XPO7: variants seen among roughly 807,000 people sequenced by gnomAD.
XPO7 encodes exportin 7, also known as exportin-7.
Under a neutral mutation model 144.3 loss-of-function variants are expected in XPO7, and 21 were observed. That is an observed-to-expected ratio of 0.15 (90% CI 0.10 to 0.21). XPO7 has a LOEUF of 0.21. XPO7 is among the 10% of genes least tolerant of loss of function. The pLI is 1.00. For synonymous variants in XPO7, 580 were observed against 499.6 expected (o/e 1.16, Z -2.15); for missense variants, 808 against 1,325.8 (o/e 0.61, Z 6.06).
At position 21,995,472 on chromosome 8, in the gene XPO7, C is replaced by A; in HGVS notation, c.2238-20C>A. ...TACCTTTCTGGAATCAGAAATCTTT[C>A]CTTAGCTTCTCATTTACAGATATCC... On this transcript the variant is annotated intron_variant, in intron 20 of 27. Coordinates refer to ENST00000252512, the MANE Select transcript of XPO7 (RefSeq NM_015024.5). 1 of 1,578,512 alleles carries A rather than the reference C, an allele frequency of 6.3e-7. No individual in the cohort carries two copies. The highest frequency in any genetic ancestry group is 1.2e-5 in the South Asian group (1 of 86,342).
intron 5 of XPO7, among the ~76,000 whole-genome samples, chr8:21,974,202 T>G (rs1272594328): frequency 4.8e-5 from 7 of 145,548 alleles, no homozygotes; most frequent in African/African-American, 1.8e-4. Flanking sequence ...TATTTTTTTA[T>G]TTTTATTTTT....
At position 21,987,774 on chromosome 8, in the gene XPO7, T is replaced by C. The variant is rs1812629468; in HGVS notation, c.1714-10T>C. The C allele has an allele frequency of 8.1e-6, 13 of 1,613,796 alleles. No individual in the cohort carries two copies. Among genetic ancestry groups the C allele is most frequent in the Non-Finnish European group, 1.0e-5 (12 of 1,179,730 alleles). On this transcript the variant is annotated splice_polypyrimidine_tract_variant and intron_variant, in intron 14 of 27. Coordinates refer to ENST00000252512, the MANE Select transcript of XPO7 (RefSeq NM_015024.5). ...CATGTGTTCTGGTTACTTTCTCTTC[T>C]TAACACCAGCTGTACCGCCGACTCT...
At chr8:21,988,584 G>T in intron 15 of XPO7, 1 of 180,094 alleles carries the variant, frequency 5.6e-6, no homozygotes, top group South Asian at 1.2e-4. Context: ...AAGCAAAGGG[G>T]GTCTAAAGGA....
intron 1 of XPO7, among the ~76,000 whole-genome samples, chr8:21,931,691 G>A (rs891113007): frequency 1.3e-5 from 2 of 152,164 alleles, no homozygotes; most frequent in African/African-American, 4.8e-5. Flanking sequence ...TGCTCTGGCT[G>A]CCAATACCCC....
chr8:21,989,677 A>T (rs1338296217), intron 16 of XPO7, among the ~76,000 whole-genome samples: 1 of 152,016 alleles, frequency 6.6e-6, no homozygotes, highest in Non-Finnish European at 1.5e-5. Context: ...TACACAATAT[A>T]TGCCTCTTAG....
At position 21,989,821 on chromosome 8, in the gene XPO7, C is replaced by CTTTTTTTTTTTTTTTTTTTTTTT. The variant is rs1170364778; in HGVS notation, c.1869-499_1869-477dup. On this transcript the variant is annotated intron_variant, in intron 16 of 27. Transcript: ENST00000252512. ...AATAGGAGTTTGGTATAGGTGTTTC[C>CTTTTTTTTTTTTTTTTTTTTTTT]TTTTTTTTTTTTTTTTTTTTTTTTT... Among the ~76,000 whole-genome samples, 86 of 59,712 alleles carry CTTTTTTTTTTTTTTTTTTTTTTT rather than the reference C, an allele frequency of 1.4e-3. 27 individuals carry two copies. The highest frequency in any genetic ancestry group is 2.4e-3 in the Non-Finnish European group (68 of 27,888). 39.2% of individuals were successfully genotyped at this position (59,712 alleles called of 152,430 possible).
At position 21,977,898 on chromosome 8, in the gene XPO7, G is replaced by T. The variant is rs1812279825; in HGVS notation, c.837+55G>T. 10 of 1,461,100 alleles carry T rather than the reference G, an allele frequency of 6.8e-6. No homozygotes were observed. The Admixed American group carries it at 1.8e-4, about 27-fold the overall frequency. The allele number at this position is 1,461,100 out of a possible 1,614,324, so 90.5% of individuals were successfully genotyped here. ...AACCTATTCATAGAAGATAGCAATGGTGAATGAACCTTATATTCGTTTTGT... is the reference window on the plus strand; with the variant it reads ...AACCTATTCATAGAAGATAGCAATGTTGAATGAACCTTATATTCGTTTTGT... On this transcript the variant is annotated intron_variant, in intron 8 of 27. Transcript: ENST00000252512.
chr8:22,006,356 A>G lies in XPO7; in HGVS notation c.*1268A>G, dbSNP rs1413487121. ...TTCCACAATTGTTGCTGCTAGTTGTACACATCTCTAGTTCAGCTCTTGCCC... is the reference window on the plus strand; with the variant it reads ...TTCCACAATTGTTGCTGCTAGTTGTGCACATCTCTAGTTCAGCTCTTGCCC... On this transcript the variant is annotated 3_prime_UTR_variant, in exon 28 of 28. Transcript: ENST00000252512. The G allele has an allele frequency of 1.3e-5, 2 of 152,326 alleles. No homozygotes were observed. Among genetic ancestry groups the G allele is most frequent in the South Asian group, 2.1e-4 (1 of 4,820 alleles). 9.4% of individuals were successfully genotyped at this position (152,326 alleles called of 1,614,324 possible). A position where few individuals can be genotyped will look rare whatever the true frequency, so the allele number is the denominator to read the frequency against.
chr8:21,931,644 T>C (rs1037639519), intron 1 of XPO7, among the ~76,000 whole-genome samples: 2 of 152,222 alleles, frequency 1.3e-5, no homozygotes, highest in African/African-American at 4.8e-5. Context: ...GAAGAGGTCA[T>C]AGTCTCAGGA....
chr8:21,950,077 C>G (rs1218123525), intron 1 of XPO7, among the ~76,000 whole-genome samples: 3 of 152,168 alleles, frequency 2.0e-5, no homozygotes, highest in Non-Finnish European at 4.4e-5. Context: ...GTCTCTTGCT[C>G]TCAGGTATTG....
chr8:21,922,516 G>C (rs962117406), intron 1 of XPO7, among the ~76,000 whole-genome samples: 3 of 152,002 alleles, frequency 2.0e-5, no homozygotes, highest in Non-Finnish European at 4.4e-5. Context: ...ACTTACTTAT[G>C]TGTGTTTAAT....
intron 24 of XPO7, among the ~76,000 whole-genome samples, chr8:22,001,308 CAAA>C (rs762708728): frequency 1.7e-5 from 2 of 116,886 alleles, no homozygotes; most frequent in Admixed American, 9.0e-5. Flanking sequence ...GACTCCGTAT[CAAA>C]AAAAAAAAAA....
intron 21 of XPO7, among the ~76,000 whole-genome samples, chr8:21,998,062 C>G (rs577347360): frequency 6.6e-6 from 1 of 152,230 alleles, no homozygotes; most frequent in South Asian, 2.1e-4. Context: ...CCCTCTCCCT[C>G]AGTTGCCACT....
intron 1 of XPO7, among the ~76,000 whole-genome samples, chr8:21,932,506 C>T (rs1810683885): frequency 6.6e-6 from 1 of 152,146 alleles, no homozygotes; most frequent in Admixed American, 6.5e-5. Context: ...TATCTTTCTT[C>T]CCTTTAATGT....
intron 15 of XPO7, 54 bp from the exon 16 acceptor site, chr8:21,988,949 G>A (rs1585473078): frequency 1.3e-6 from 2 of 1,557,316 alleles, no homozygotes; most frequent in East Asian, 4.5e-5. Flanking sequence ...AGCCCTCAAG[G>A]AAACCAGCAA....
At chr8:21,987,429 A>T (rs185656869) in intron 14 of XPO7, among the ~76,000 whole-genome samples, 153 bp downstream of exon 14, 1 of 152,312 alleles carries the variant, frequency 6.6e-6, no homozygotes, top group East Asian at 1.9e-4. Context: ...ATTCTGGGAG[A>T]GTCATCAAAG....
chr8:21,932,859 A>G (rs566250684), intron 1 of XPO7, among the ~76,000 whole-genome samples: 1 of 152,344 alleles, frequency 6.6e-6, no homozygotes, highest in South Asian at 2.1e-4. Context: ...AATAACATAC[A>G]GAATGGGAGC....
chr8:21,972,975 G>GT (rs1157982173), intron 5 of XPO7, among the ~76,000 whole-genome samples: 1 of 152,146 alleles, frequency 6.6e-6, no homozygotes, highest in Non-Finnish European at 1.5e-5. Context: ...AGTGATTACT[G>GT]TTACCACCAT....
Position 21,970,328 on chromosome 8 carries a change from G to C in XPO7, c.426+18G>C. ...TTTTACAGGTACAGTGTATATATTTGATGTAATGGGAATGGGAGAACCAGC... is the reference window on the plus strand; with the variant it reads ...TTTTACAGGTACAGTGTATATATTTCATGTAATGGGAATGGGAGAACCAGC... On this transcript the variant is annotated intron_variant, in intron 4 of 27. Coordinates refer to ENST00000252512, the MANE Select transcript of XPO7 (RefSeq NM_015024.5). The C allele has an allele frequency of 6.2e-7, 1 of 1,604,366 alleles. No homozygotes were observed. The highest frequency in any genetic ancestry group is 8.5e-7 in the Non-Finnish European group (1 of 1,175,494).
Sources: gnomAD v4.1 joint callset for allele counts (sites outside exome capture counted in the v4.1 genomes callset) on GRCh38, gnomAD v4.1.1 for gene constraint, MANE v1.5 for transcripts, NCBI Gene and HGNC (gene_info 2026-07-23, HGNC 2026-07-21) for gene names.